The following ZNF536 variants were observed in gnomAD, a reference collection of about 807,000 sequenced individuals.
ZNF536 encodes zinc finger protein 536.
ZNF536 carries 13 observed loss-of-function variants against 84.5 expected under a neutral mutation model. The ratio of observed to expected loss-of-function variants is 0.15; its 90% CI spans 0.10 to 0.24. The LOEUF (loss-of-function observed/expected upper bound fraction) is 0.24, where lower values mean the gene tolerates loss of function less well. ZNF536 is among the 10% of genes least tolerant of loss of function. ZNF536 has a pLI of 1.00. For missense variants in ZNF536, 1,536 were observed against 1,747.5 expected (o/e 0.88, Z 2.16); for synonymous variants, 811 against 742.5 (o/e 1.09, Z -1.50).
intron 1 of ZNF536, among the ~76,000 whole-genome samples, chr19:30,380,893 T>C (rs2048996767): frequency 1.3e-5 from 2 of 152,216 alleles, no homozygotes; most frequent in South Asian, 2.1e-4. Context: ...TTTTTAATTT[T>C]AGAGACAGGG....
At chr19:30,483,943 G>A (rs576421736) in intron 2 of ZNF536, among the ~76,000 whole-genome samples, 5 of 152,074 alleles carry the variant, frequency 3.3e-5, no homozygotes, top group Admixed American at 3.3e-4. Context: ...GGGTCTCTGT[G>A]TGTTCAGCTC....
At chr19:30,623,491 C>G (rs933433429) in intron 1 of ZNF536, among the ~76,000 whole-genome samples, 1 of 152,258 alleles carries the variant, frequency 6.6e-6, no homozygotes, top group Non-Finnish European at 1.5e-5. Flanking sequence ...TCTCTTGGCT[C>G]TCTGCCTTGC....
intron 1 of ZNF536, among the ~76,000 whole-genome samples, chr19:30,381,225 C>A (rs2049009227): frequency 6.6e-6 from 1 of 152,166 alleles, no homozygotes; most frequent in African/African-American, 2.4e-5. Flanking sequence ...CCAGAGGGAG[C>A]TAATATCTCT....
chr19:30,294,589 G>GTA (rs1555713511), intron 2 of ZNF536, among the ~76,000 whole-genome samples: 5 of 144,340 alleles, frequency 3.5e-5, no homozygotes. Flanking sequence ...GTGTGTGTGT[G>GTA]TATTTAAACA....
chr19:30,381,591 T>C (rs1445159919), intron 1 of ZNF536, among the ~76,000 whole-genome samples: 1 of 152,102 alleles, frequency 6.6e-6, no homozygotes, highest in Non-Finnish European at 1.5e-5. Flanking sequence ...GGCTGGAGCA[T>C]GAGGGACCAG....
intron 1 of ZNF536, among the ~76,000 whole-genome samples, chr19:30,587,288 A>T (rs1236158677): frequency 1.3e-5 from 2 of 152,364 alleles, no homozygotes; most frequent in Admixed American, 6.5e-5. Flanking sequence ...ATTACAAGAC[A>T]TATCAAACCT....
At chr19:30,377,263 T>A (rs1418270461) in intron 1 of ZNF536, among the ~76,000 whole-genome samples, 1 of 152,076 alleles carries the variant, frequency 6.6e-6, no homozygotes, top group African/African-American at 2.4e-5. Flanking sequence ...GAGTCCTGGA[T>A]GTTACCCGTG....
intron 1 of ZNF536, among the ~76,000 whole-genome samples, chr19:30,603,355 A>G (rs996588656): frequency 6.6e-6 from 1 of 152,186 alleles, no homozygotes; most frequent in African/African-American, 2.4e-5. Context: ...AGGATTATCA[A>G]AACTTCTGGT....
At chr19:30,640,204 G>A (rs71350823) in intron 1 of ZNF536, among the ~76,000 whole-genome samples, 7,427 of 148,594 alleles carry the variant, frequency 0.05, 273 homozygotes, top group Non-Finnish European at 0.075. Flanking sequence ...CCAAGATCAC[G>A]CCACTGCATT....
rs539577040 is a variant in ZNF536 at position 30,569,424 on chromosome 19, A to C, written c.169+19910A>C. Among the ~76,000 whole-genome samples, 5 of 152,054 alleles carry C rather than the reference A, an allele frequency of 3.3e-5. No individual in the cohort carries two copies. The South Asian group carries it at 1.0e-3, about 32-fold the overall frequency. ...TTTGCCACACCTTCTTGATGGTACA[A>C]GAGGTCTGTCATCCTCCTGTGCCCT... On this transcript the variant is annotated intron_variant, in intron 1 of 1. Transcript: ENST00000592773.
chr19:30,674,306 C>T (rs1290096705), intron 1 of ZNF536, among the ~76,000 whole-genome samples: 1 of 152,176 alleles, frequency 6.6e-6, no homozygotes, highest in Non-Finnish European at 1.5e-5. Flanking sequence ...GTGCCATGCA[C>T]CCTGTGCCCA....
chr19:30,693,525 G>C (rs780583625), intron 1 of ZNF536, among the ~76,000 whole-genome samples: 3 of 151,926 alleles, frequency 2.0e-5, no homozygotes, highest in Non-Finnish European at 4.4e-5. Flanking sequence ...ATTTTAGAGA[G>C]AGCCTTTTAT....
intron 1 of ZNF536, among the ~76,000 whole-genome samples, chr19:30,658,021 C>A (rs1339297810): frequency 2.1e-5 from 3 of 144,442 alleles, no homozygotes; most frequent in African/African-American, 5.6e-5. Flanking sequence ...TTTCCATTCC[C>A]CCCCCCCTTT....
At chr19:30,615,698 A>G (rs1219651209) in intron 1 of ZNF536, among the ~76,000 whole-genome samples, 1 of 152,152 alleles carries the variant, frequency 6.6e-6, no homozygotes, top group Non-Finnish European at 1.5e-5. Flanking sequence ...GTAAAAAGCT[A>G]CATTAAGTTT....
chr19:30,661,805 C>T (rs2050131301), intron 1 of ZNF536, among the ~76,000 whole-genome samples: 1 of 151,878 alleles, frequency 6.6e-6, no homozygotes, highest in Non-Finnish European at 1.5e-5. Context: ...TTACCTATAA[C>T]ATTTAGTGAA....
chr19:30,345,057 T>C (rs1382098701), intron 2 of ZNF536, among the ~76,000 whole-genome samples: 1 of 152,352 alleles, frequency 6.6e-6, no homozygotes, highest in East Asian at 1.9e-4. Context: ...GTACCAGGCA[T>C]ATTATTTTTC....
chr19:30,480,949 C>T (rs899475464), intron 2 of ZNF536, among the ~76,000 whole-genome samples: 6 of 151,174 alleles, frequency 4.0e-5, no homozygotes, highest in Non-Finnish European at 8.8e-5. Context: ...GCAGGAGAGT[C>T]GCCCGGGAGG....
At chr19:30,320,463 T>C (rs2046817177) in intron 2 of ZNF536, among the ~76,000 whole-genome samples, 1 of 152,150 alleles carries the variant, frequency 6.6e-6, no homozygotes, top group African/African-American at 2.4e-5. Context: ...TTGAGCAAAT[T>C]AGACTTCCTC....
chr19:30,470,560 A>G (rs1191201128), intron 2 of ZNF536, among the ~76,000 whole-genome samples: 1 of 151,772 alleles, frequency 6.6e-6, no homozygotes, highest in Non-Finnish European at 1.5e-5. Context: ...AGGGGTGGCC[A>G]TATGCCTCCG....
Sources: allele counts gnomAD v4.1 joint callset (sites outside exome capture counted in the v4.1 genomes callset), GRCh38; gene constraint gnomAD v4.1.1; transcripts MANE v1.5; gene names NCBI Gene and HGNC (gene_info 2026-07-23, HGNC 2026-07-21).